SOX1: variants seen among roughly 807,000 people sequenced by gnomAD.
SOX1 encodes transcription factor SOX-1.
Under a neutral mutation model 0.9 loss-of-function variants are expected in SOX1, and 1 was observed. That is an observed-to-expected ratio of 1.07 (90% confidence interval 0.38 to 5.06). The LOEUF (loss-of-function observed/expected upper bound fraction) is 5.06. Ranked by LOEUF, SOX1 falls within the 30% of genes most tolerant of loss-of-function variation. The pLI is 0.16. For synonymous variants in SOX1, 397 were observed against 265.5 expected (o/e 1.50, Z -4.81); for missense variants, 564 against 534.4 (o/e 1.06, Z -0.55).
In SOX1 at chr13:112,069,543, A is replaced by G. The variant is rs939636790; in HGVS notation, c.*709A>G. On this transcript the variant is annotated 3_prime_UTR_variant, in exon 1 of 1. Transcript: ENST00000330949. ...GGGGAGGAGAAGTCAGATTATGTAC[A>G]TAGTTTTCTAAAAAGCCTTTCTTCT... The G allele has an allele frequency of 5.4e-5, 9 of 166,964 alleles. No individual in the cohort carries two copies. In the South Asian group the frequency reaches 1.9e-3, roughly 35 times the overall value. 10.3% of individuals were successfully genotyped at this position (166,964 alleles called of 1,614,324 possible). A position where few individuals can be genotyped will look rare whatever the true frequency, so the allele number is the denominator to read the frequency against.
Position 112,068,662 on chromosome 13 carries a change from C to A in SOX1, c.1004C>A (p.Pro335Gln). The A allele has an allele frequency of 8.6e-7, 1 of 1,167,208 alleles. No individual in the cohort carries two copies. The highest frequency in any genetic ancestry group is 1.1e-6 in the Non-Finnish European group (1 of 946,736). The allele number at this position is 1,167,208 out of a possible 1,614,324, so 72.3% of individuals were successfully genotyped here. A position where few individuals can be genotyped will look rare whatever the true frequency, so the allele number is the denominator to read the frequency against. The change falls in exon 1 of 1, where the codon CCG (proline) becomes CAG (glutamine). Residue 335 changes from proline to glutamine, a missense_variant. By Grantham distance (76) the Pro-to-Gln change is moderately conservative (BLOSUM62 -1). Coordinates refer to ENST00000330949, the MANE Select transcript of SOX1 (RefSeq NM_005986.3). The surrounding 1 kb of genome is among the most constrained non-coding windows in gnomAD (Gnocchi z 6.9). ...CCCGCCCCAGCGCACTCGCGGGCGC[C>A]GTGCCCCGGGGACCTGCGCGAGATG... The part of the protein sequence containing the change: ...SPPAPAHSRA[P>Q]CPGDLREMIS...
chr13:112,068,341 C>CCGCGCA lies in SOX1; in HGVS notation c.685_690dup (p.Ala229_His230dup), dbSNP rs1350777534. ...GGCGGCGCGCACCCGCACGCGCACC[C>CCGCGCA]CGCGCACCCGCACCCGCACCACCCG... On this transcript the variant is annotated inframe_insertion, in exon 1 of 1. Coordinates refer to ENST00000330949, the MANE Select transcript of SOX1 (RefSeq NM_005986.3). This position sits in a 1 kb window ranked among gnomAD's most constrained non-coding sequence, Gnocchi z 6.9. 4 of 1,217,104 alleles carry CCGCGCA rather than the reference C, an allele frequency of 3.3e-6. No individual in the cohort carries two copies. The highest frequency in any genetic ancestry group is 4.2e-6 in the Non-Finnish European group (4 of 959,080). The allele number at this position is 1,217,104 out of a possible 1,614,324, so 75.4% of individuals were successfully genotyped here. A position where few individuals can be genotyped will look rare whatever the true frequency, so the allele number is the denominator to read the frequency against.
rs1880777051 is a variant in SOX1 at position 112,068,181 on chromosome 13, G to C, written c.523G>C (p.Gly175Arg). 1 of 843,642 alleles carries C rather than the reference G, an allele frequency of 1.2e-6. No individual in the cohort carries two copies. Among genetic ancestry groups the C allele is most frequent in the Non-Finnish European group, 1.4e-6 (1 of 698,840 alleles). 52.3% of individuals were successfully genotyped at this position (843,642 alleles called of 1,614,324 possible). A position where few individuals can be genotyped will look rare whatever the true frequency, so the allele number is the denominator to read the frequency against. The part of the protein sequence containing the change: ...AVGQRLESPG[G>R]AAGGGYAHVN... ...GGGCCAGCGCCTGGAGAGCCCAGGC[G>C]GCGCGGCGGGCGGCGGCTACGCGCA... The change falls in exon 1 of 1, where the codon GGC becomes CGC. Residue 175 changes from glycine (G) to arginine (R), a missense_variant. Transcript: ENST00000330949. This position sits in a 1 kb window ranked among gnomAD's most constrained non-coding sequence, Gnocchi z 6.9.
rs1412664338 is a variant in SOX1 at position 112,068,378 on chromosome 13, G to A, written c.720G>A (p.Pro240=). Residue 240 remains proline (P), a synonymous_variant, in exon 1 of 1, where the codon CCG becomes CCA. Transcript: ENST00000330949. This position sits in a 1 kb window ranked among gnomAD's most constrained non-coding sequence, Gnocchi z 6.9. The stretch of plus-strand genomic sequence containing the variant: ...ACCCGCACCACCCGCACGCGCACCC[G>A]CACAACCCGCAGCCCATGCACCGCT... ...HPHPHHPHAH[P]HNPQPMHRYD... is the part of the protein sequence containing the mutation. The A allele has an allele frequency of 6.3e-5, 80 of 1,278,430 alleles. No homozygotes were observed. Among genetic ancestry groups the A allele is most frequent in the Non-Finnish European group, 7.6e-5 (75 of 991,988 alleles). The allele number at this position is 1,278,430 out of a possible 1,614,324, so 79.2% of individuals were successfully genotyped here.
rs867187020 is a variant in SOX1, at chr13:112,069,406, T to G, written c.*572T>G. 8 of 167,222 alleles carry G rather than the reference T, an allele frequency of 4.8e-5. No homozygotes were observed. Among genetic ancestry groups the G allele is most frequent in the South Asian group, 4.1e-4 (2 of 4,830 alleles). The allele number at this position is 167,222 out of a possible 1,614,324, so 10.4% of individuals were successfully genotyped here. Reference sequence around the variant, plus strand: ...CCCTCCTTCAGACGGCGGAGTTATATTCTGGGTTTTGTAAAACTTTATGTA... The same window carrying G: ...CCCTCCTTCAGACGGCGGAGTTATAGTCTGGGTTTTGTAAAACTTTATGTA... On this transcript the variant is annotated 3_prime_UTR_variant, in exon 1 of 1. Transcript: ENST00000330949.
Position 112,068,473 on chromosome 13 carries a change from G to C in SOX1, c.815G>C (p.Gly272Ala). The C allele has an allele frequency of 8.8e-7, 1 of 1,142,592 alleles. No individual in the cohort carries two copies. The highest frequency in any genetic ancestry group is 1.1e-6 in the Non-Finnish European group (1 of 919,504). 70.8% of individuals were successfully genotyped at this position (1,142,592 alleles called of 1,614,324 possible). Residue 272 changes from glycine (G) to alanine (A), a missense_variant, in exon 1 of 1, where the codon GGC (glycine) becomes GCC (alanine). Gly to Ala is a moderately conservative substitution (Grantham distance 60). Transcript: ENST00000330949. This position sits in a 1 kb window ranked among gnomAD's most constrained non-coding sequence, Gnocchi z 6.9. ...GGCTACATGAGCGCGTCGCCCTCGG[G>C]CTACGGCGGCCTCCCCTACGGCGCC... Reference protein sequence around the residue: ...SQGYMSASPSGYGGLPYGAAA... With the variant: ...SQGYMSASPSAYGGLPYGAAA...
rs1880804386 is a variant in SOX1, at chr13:112,068,747, G to T, written c.1089G>T (p.Ala363=). 2 of 1,195,612 alleles carry T rather than the reference G, an allele frequency of 1.7e-6. No homozygotes were observed. The highest frequency in any genetic ancestry group is 3.6e-5 in the East Asian group (1 of 27,908). 74.1% of individuals were successfully genotyped at this position (1,195,612 alleles called of 1,614,324 possible). A position where few individuals can be genotyped will look rare whatever the true frequency, so the allele number is the denominator to read the frequency against. The change falls in exon 1 of 1, where the codon GCG becomes GCT. Residue 363 remains alanine, a synonymous_variant. Transcript: ENST00000330949. This position sits in a 1 kb window ranked among gnomAD's most constrained non-coding sequence, Gnocchi z 6.9. ...ACCCGGCGGCGGCAGCAGCGGCCGCGGCGCAGAGCCGGCTGCACTCGCTGC... is the reference window on the plus strand; with the variant it reads ...ACCCGGCGGCGGCAGCAGCGGCCGCTGCGCAGAGCCGGCTGCACTCGCTGC... ...GGDPAAAAAA[A]AQSRLHSLPQ...
At position 112,069,811 on chromosome 13, in the gene SOX1, C is replaced by A. The variant is rs765548933; in HGVS notation, c.*977C>A. 2 of 167,026 alleles carry A rather than the reference C, an allele frequency of 1.2e-5. No individual in the cohort carries two copies. Among genetic ancestry groups the A allele is most frequent in the Non-Finnish European group, 2.9e-5 (2 of 68,120 alleles). The allele number at this position is 167,026 out of a possible 1,614,324, so 10.3% of individuals were successfully genotyped here. On this transcript the variant is annotated 3_prime_UTR_variant, in exon 1 of 1. Coordinates refer to ENST00000330949, the MANE Select transcript of SOX1 (RefSeq NM_005986.3). ...CAATGAAAGAGAAGGAAGTTAAAAC[C>A]TATAGGTTATTTTGTAGAGCTGAGT...
chr13:112,068,892 C>A lies in SOX1; in HGVS notation c.*58C>A. 1 of 1,174,686 alleles carries A rather than the reference C, an allele frequency of 8.5e-7. No homozygotes were observed. The highest frequency in any genetic ancestry group is 4.3e-5 in the South Asian group (1 of 23,178). 72.8% of individuals were successfully genotyped at this position (1,174,686 alleles called of 1,614,324 possible). ...GACCCACGAGCTCGCGGCCCGCGCCCGGCTCCCGCCCCGCCCCGGCGCGGC... is the reference window on the plus strand; with the variant it reads ...GACCCACGAGCTCGCGGCCCGCGCCAGGCTCCCGCCCCGCCCCGGCGCGGC... On this transcript the variant is annotated 3_prime_UTR_variant, in exon 1 of 1. Transcript: ENST00000330949. The surrounding 1 kb of genome is among the most constrained non-coding windows in gnomAD (Gnocchi z 6.9).
chr13:112,067,608 T>G lies in SOX1; in HGVS notation c.-51T>G. 9 of 1,088,042 alleles carry G rather than the reference T, an allele frequency of 8.3e-6. No individual in the cohort carries two copies. In the East Asian group the frequency reaches 1.4e-4, roughly 17 times the overall value. The allele number at this position is 1,088,042 out of a possible 1,614,324, so 67.4% of individuals were successfully genotyped here. On this transcript the variant is annotated 5_prime_UTR_variant, in exon 1 of 1. Coordinates refer to ENST00000330949, the MANE Select transcript of SOX1 (RefSeq NM_005986.3). The surrounding 1 kb of genome is among the most constrained non-coding windows in gnomAD (Gnocchi z 5.1). ...CCGTCTCCCTCCCACCCCGGCCGTCTATGCTCCAGGCCCTCTCCTCGCGGT... is the reference window on the plus strand; with the variant it reads ...CCGTCTCCCTCCCACCCCGGCCGTCGATGCTCCAGGCCCTCTCCTCGCGGT...
In SOX1 at chr13:112,070,289, G is replaced by T. The variant is rs1880856179; in HGVS notation, c.*1455G>T. 6.0e-6 allele frequency: 1 copy of T among 166,972 alleles called. No individual in the cohort carries two copies. The highest frequency in any genetic ancestry group is 2.4e-5 in the African/African-American group (1 of 41,390). The allele number at this position is 166,972 out of a possible 1,614,324, so 10.3% of individuals were successfully genotyped here. The stretch of plus-strand genomic sequence containing the variant: ...CCCCGCGTGAACTGGGATGCAAGTT[G>T]CTAACCGATGTGAACGCAAAATGCC... On this transcript the variant is annotated 3_prime_UTR_variant, in exon 1 of 1. Transcript: ENST00000330949.
chr13:112,068,694 A>T lies in SOX1; in HGVS notation c.1036A>T (p.Met346Leu). The T allele has an allele frequency of 8.5e-7, 1 of 1,177,206 alleles. No homozygotes were observed. The highest frequency in any genetic ancestry group is 1.0e-6 in the Non-Finnish European group (1 of 953,782). 72.9% of individuals were successfully genotyped at this position (1,177,206 alleles called of 1,614,324 possible). ...CGGGGACCTGCGCGAGATGATCAGC[A>T]TGTACTTGCCCGCCGGCGAGGGGGG... ...CPGDLREMIS[M>L]YLPAGEGGDP... Residue 346 changes from methionine to leucine, a missense_variant, in exon 1 of 1, where the codon ATG (methionine) becomes TTG (leucine). Transcript: ENST00000330949. This position sits in a 1 kb window ranked among gnomAD's most constrained non-coding sequence, Gnocchi z 6.9.
rs1875871867 is a variant in SOX1 at position 112,071,410 on chromosome 13, C to T, written c.*2576C>T. On this transcript the variant is annotated 3_prime_UTR_variant, in exon 1 of 1. Transcript: ENST00000330949. ...TATTTCCTTGTTTTGTTGATTAGAA[C>T]AACACAGAAAAAAGCAAATATAAAT... 6.6e-6 allele frequency among the ~76,000 whole-genome samples: 1 copy of T among 152,152 alleles called. No homozygotes were observed. The highest frequency in any genetic ancestry group is 2.4e-5 in the African/African-American group (1 of 41,428).
rs1447032862 is a variant in SOX1, at chr13:112,069,383, C to A, written c.*549C>A. ...ACAAAGAGATTACCACCACCACCCC[C>A]TCCTTCAGACGGCGGAGTTATATTC... On this transcript the variant is annotated 3_prime_UTR_variant, in exon 1 of 1. Coordinates refer to ENST00000330949, the MANE Select transcript of SOX1 (RefSeq NM_005986.3). The A allele has an allele frequency of 6.0e-6, 1 of 166,930 alleles. No homozygotes were observed. Among genetic ancestry groups the A allele is most frequent in the Non-Finnish European group, 1.5e-5 (1 of 68,130 alleles). 10.3% of individuals were successfully genotyped at this position (166,930 alleles called of 1,614,324 possible). A position where few individuals can be genotyped will look rare whatever the true frequency, so the allele number is the denominator to read the frequency against.
chr13:112,068,147 G>A lies in SOX1; in HGVS notation c.489G>A (p.Ala163=), dbSNP rs920140269. The change falls in exon 1 of 1, where the codon GCG becomes GCA. Residue 163 remains alanine (A), a synonymous_variant. Transcript: ENST00000330949. This position sits in a 1 kb window ranked among gnomAD's most constrained non-coding sequence, Gnocchi z 6.9. ...VAMGVGVGVG[A]AAVGQRLESP... ...TGGGCGTGGGCGTGGGCGTGGGCGC[G>A]GCGGCCGTGGGCCAGCGCCTGGAGA... is the stretch of plus-strand genomic sequence containing the variant. 2.0e-6 allele frequency: 2 copies of A among 1,025,166 alleles called. No individual in the cohort carries two copies. The highest frequency in any genetic ancestry group is 5.5e-5 in the Admixed American group (1 of 18,154). The allele number at this position is 1,025,166 out of a possible 1,614,324, so 63.5% of individuals were successfully genotyped here.
chr13:112,068,182 G>A lies in SOX1; in HGVS notation c.524G>A (p.Gly175Asp). The change falls in exon 1 of 1, where the codon GGC becomes GAC. Residue 175 changes from glycine (G) to aspartate (D), a missense_variant. Transcript: ENST00000330949. The surrounding 1 kb of genome is among the most constrained non-coding windows in gnomAD (Gnocchi z 6.9). The part of the protein sequence containing the change: ...AVGQRLESPG[G>D]AAGGGYAHVN... The stretch of plus-strand genomic sequence containing the variant: ...GGCCAGCGCCTGGAGAGCCCAGGCG[G>A]CGCGGCGGGCGGCGGCTACGCGCAC... The A allele has an allele frequency of 1.2e-6, 1 of 829,952 alleles. No homozygotes were observed. The allele number at this position is 829,952 out of a possible 1,614,324, so 51.4% of individuals were successfully genotyped here. A position where few individuals can be genotyped will look rare whatever the true frequency, so the allele number is the denominator to read the frequency against.
In SOX1 at chr13:112,068,245, T is replaced by TGGCGGC. The variant is rs949147623; in HGVS notation, c.600_605dup (p.Ala203_Ala204dup). 1.7e-5 allele frequency: 12 copies of TGGCGGC among 720,036 alleles called. No individual in the cohort carries two copies. The highest frequency in any genetic ancestry group is 1.1e-4 in the East Asian group (1 of 8,732). 44.6% of individuals were successfully genotyped at this position (720,036 alleles called of 1,614,324 possible). On this transcript the variant is annotated inframe_insertion, in exon 1 of 1. Coordinates refer to ENST00000330949, the MANE Select transcript of SOX1 (RefSeq NM_005986.3). The surrounding 1 kb of genome is among the most constrained non-coding windows in gnomAD (Gnocchi z 6.9). ...GCCAACGGCGCCTACCCCGGCTCGG[T>TGGCGGC]GGCGGCGGCGGCGGCGGCCGCGGCC...
chr13:112,068,242 C>A lies in SOX1; in HGVS notation c.584C>A (p.Ser195Ter), dbSNP rs2138616537. ...TGGGCCAACGGCGCCTACCCCGGCT[C>A]GGTGGCGGCGGCGGCGGCGGCCGCG... ...NGWANGAYPG[S>*]VAAAAAAAAM... The change falls in exon 1 of 1, where the codon TCG becomes TAG. Residue 195 changes from serine to a stop codon, truncating the protein, a stop_gained. Coordinates refer to ENST00000330949, the MANE Select transcript of SOX1 (RefSeq NM_005986.3). LOFTEE classifies it low-confidence loss of function (END_TRUNC). This position sits in a 1 kb window ranked among gnomAD's most constrained non-coding sequence, Gnocchi z 6.9. 1 of 739,918 alleles carries A rather than the reference C, an allele frequency of 1.4e-6. No homozygotes were observed. The highest frequency in any genetic ancestry group is 1.7e-6 in the Non-Finnish European group (1 of 601,818). The allele number at this position is 739,918 out of a possible 1,614,324, so 45.8% of individuals were successfully genotyped here.
rs1202779315 is a variant in SOX1 at position 112,067,396 on chromosome 13, G to T, written c.-263G>T. The stretch of plus-strand genomic sequence containing the variant: ...CCTGGGCTGCGGTGGCGGCGAAGAC[G>T]GCGACCCCGACCGTCGGCCTCTTTG... On this transcript the variant is annotated 5_prime_UTR_variant, in exon 1 of 1. Coordinates refer to ENST00000330949, the MANE Select transcript of SOX1 (RefSeq NM_005986.3). The surrounding 1 kb of genome is among the most constrained non-coding windows in gnomAD (Gnocchi z 5.1). Among the ~76,000 whole-genome samples the T allele has an allele frequency of 1.3e-5, 2 of 152,158 alleles. No homozygotes were observed. Among genetic ancestry groups the T allele is most frequent in the Non-Finnish European group, 2.9e-5 (2 of 68,022 alleles).
Sources: gnomAD v4.1 joint callset for allele counts (sites outside exome capture counted in the v4.1 genomes callset) on GRCh38, gnomAD v4.1.1 for gene constraint, Gnocchi (gnomAD v3.1) non-coding constraint, MANE v1.5 for transcripts, NCBI Gene and HGNC (gene_info 2026-07-23, HGNC 2026-07-21) for gene names.